The following GABRG3 variants were observed in gnomAD, a reference collection of about 807,000 sequenced individuals.
GABRG3 encodes the protein gamma-aminobutyric acid type A receptor subunit gamma3.
GABRG3 carries 25 observed loss-of-function variants against 48.8 expected under a neutral mutation model. The ratio of observed to expected loss-of-function variants is 0.51; its 90% CI spans 0.37 to 0.72. The LOEUF (loss-of-function observed/expected upper bound fraction) is 0.72. Among genes scored for constraint, GABRG3 ranks in the 30% least tolerant of loss-of-function variants. The pLI is 0.00. For synonymous variants in GABRG3, 227 were observed against 217.6 expected, an observed-to-expected ratio of 1.04 and a Z score of -0.38; for missense variants, 394 against 577.9, an observed-to-expected ratio of 0.68 and a Z score of 3.26.
chr15:27,107,173 A>G (rs1373407237), intron 3 of GABRG3, among the ~76,000 whole-genome samples: 4 of 152,060 alleles, frequency 2.6e-5, no homozygotes, highest in Admixed American at 1.3e-4. Flanking sequence ...CTTACCATTA[A>G]ATATGATGTT....
rs550681368 is a variant in GABRG3 at position 27,403,127 on chromosome 15, A to G, written c.574+74239A>G. 7.2e-5 allele frequency among the ~76,000 whole-genome samples: 11 copies of G among 152,324 alleles called. No individual in the cohort carries two copies. The South Asian group carries it at 2.3e-3, about 32-fold the overall frequency. ...AACAGTGAACTAGAAACAATAAATT[A>G]TAAAAGAAAAAAATTAAGACTGAAA... On this transcript the variant is annotated intron_variant, in intron 5 of 9. Transcript: ENST00000615808.
intron 3 of GABRG3, among the ~76,000 whole-genome samples, chr15:27,031,601 A>G (rs749501097): frequency 1.1e-4 from 17 of 152,176 alleles, no homozygotes; most frequent in Admixed American, 7.2e-4. Flanking sequence ...ACCAAATTAT[A>G]CTATATGATA....
chr15:27,411,963 TTATG>T (rs913569546), intron 5 of GABRG3, among the ~76,000 whole-genome samples: 4 of 152,106 alleles, frequency 2.6e-5, no homozygotes, highest in African/African-American at 9.7e-5. Context: ...CTTTCTTTCT[TTATG>T]TAGGTTTAAT....
intron 3 of GABRG3, among the ~76,000 whole-genome samples, chr15:27,249,286 A>T (rs947585887): frequency 2.6e-4 from 40 of 152,066 alleles, no homozygotes; most frequent in Admixed American, 2.0e-3. Context: ...GCTGGCATGA[A>T]ACCGCGGGGC....
rs549683775 is a variant in GABRG3, at chr15:26,975,548, G to A, written c.54-1454G>A. ...CTATCTGGCCAACACTCTAGTCTAC[G>A]TTATGGCTAGTTAACACGCTTTAAA... On this transcript the variant is annotated intron_variant, in intron 1 of 9. Coordinates refer to ENST00000615808, the MANE Select transcript of GABRG3 (RefSeq NM_033223.5). This position sits in a 1 kb window ranked among gnomAD's most constrained non-coding sequence, Gnocchi z 4.6. Among the ~76,000 whole-genome samples the A allele has an allele frequency of 1.1e-4, 16 of 152,238 alleles. No homozygotes were observed. The highest frequency in any genetic ancestry group is 6.2e-4 in the South Asian group (3 of 4,820).
intron 3 of GABRG3, among the ~76,000 whole-genome samples, chr15:27,091,564 A>G (rs930497980): frequency 1.3e-5 from 2 of 152,180 alleles, no homozygotes; most frequent in African/African-American, 4.8e-5. Flanking sequence ...AATATTTGGT[A>G]GGATTCCCAG....
intron 3 of GABRG3, among the ~76,000 whole-genome samples, chr15:27,100,282 A>G (rs1043953748): frequency 3.9e-5 from 6 of 152,148 alleles, no homozygotes; most frequent in African/African-American, 1.2e-4. Flanking sequence ...ATCTACCAAT[A>G]AAAGAAGTGG....
intron 3 of GABRG3, among the ~76,000 whole-genome samples, chr15:27,103,787 A>G (rs1227083934): frequency 6.6e-6 from 1 of 152,084 alleles, no homozygotes; most frequent in East Asian, 1.9e-4. Flanking sequence ...AGAACTCTTG[A>G]GGTTCTCTCT....
intron 5 of GABRG3, among the ~76,000 whole-genome samples, chr15:27,413,809 C>A (rs532620672): frequency 6.6e-6 from 1 of 152,082 alleles, no homozygotes; most frequent in East Asian, 1.9e-4. Flanking sequence ...ACAACTATTT[C>A]TTTGGTTTGG....
intron 3 of GABRG3, among the ~76,000 whole-genome samples, chr15:27,185,104 T>C (rs1888051197): frequency 6.6e-6 from 1 of 152,186 alleles, no homozygotes; most frequent in South Asian, 2.1e-4. Flanking sequence ...TTCTTTTTCA[T>C]GTTGCTTGAC....
At chr15:27,328,226 T>C (rs1027405044) in intron 4 of GABRG3, among the ~76,000 whole-genome samples, 1 of 151,562 alleles carries the variant, frequency 6.6e-6, no homozygotes, top group Non-Finnish European at 1.5e-5. Context: ...TGTAAAGCCA[T>C]ACACCGGAGA....
chr15:27,399,674 A>T (rs1373260473), intron 5 of GABRG3, among the ~76,000 whole-genome samples: 1 of 152,184 alleles, frequency 6.6e-6, no homozygotes, highest in Non-Finnish European at 1.5e-5. Context: ...TTTATTTTAG[A>T]TTCAACTTAA....
At chr15:27,313,262 G>GTGTATATATA (rs1430430961) in intron 3 of GABRG3, among the ~76,000 whole-genome samples, 9 of 34,558 alleles carry the variant, frequency 2.6e-4, no homozygotes, top group African/African-American at 6.3e-4. Context: ...GTGTGTGTGT[G>GTGTATATATA]TATATATATA....
At chr15:27,512,262 C>T (rs147306464) in intron 6 of GABRG3, among the ~76,000 whole-genome samples, 21 of 144,994 alleles carry the variant, frequency 1.4e-4, no homozygotes, top group South Asian at 9.1e-4. Context: ...TAATCAAGTG[C>T]GATGTCATTG....
At chr15:27,416,726 C>T (rs1397422408) in intron 5 of GABRG3, among the ~76,000 whole-genome samples, 1 of 152,124 alleles carries the variant, frequency 6.6e-6, no homozygotes, top group Non-Finnish European at 1.5e-5. Context: ...AGGTTTTAGC[C>T]TCTGGGTTTC....
At chr15:27,231,948 T>C (rs1889813708) in intron 3 of GABRG3, among the ~76,000 whole-genome samples, 1 of 152,156 alleles carries the variant, frequency 6.6e-6, no homozygotes, top group Admixed American at 6.5e-5. Flanking sequence ...TTACCTGAGG[T>C]TCATAAGATT....
At chr15:27,062,991 A>G (rs1896676895) in intron 3 of GABRG3, among the ~76,000 whole-genome samples, 1 of 152,234 alleles carries the variant, frequency 6.6e-6, no homozygotes, top group Non-Finnish European at 1.5e-5. Context: ...TTCATGTATC[A>G]TGGTTCAATG....
Position 27,132,471 on chromosome 15 carries a change from G to GTT in GABRG3, c.270+105678_270+105679dup, listed in dbSNP as rs59023766. On this transcript the variant is annotated intron_variant, in intron 3 of 9. Transcript: ENST00000615808. ...TGATTCAATCTTCCCAGTAGTTACA[G>GTT]TTTTTTTTTTTTTTTTTTTTTTTTT... Among the ~76,000 whole-genome samples the GTT allele has an allele frequency of 6.1e-3, 242 of 39,476 alleles. 1 individual carries two copies. Among genetic ancestry groups the GTT allele is most frequent in the African/African-American group, 0.015 (174 of 11,232 alleles). The allele number at this position is 39,476 out of a possible 152,430, so 25.9% of individuals were successfully genotyped here. A position where few individuals can be genotyped will look rare whatever the true frequency, so the allele number is the denominator to read the frequency against.
At chr15:27,227,486 G>A (rs922821123) in intron 3 of GABRG3, among the ~76,000 whole-genome samples, 7 of 152,014 alleles carry the variant, frequency 4.6e-5, no homozygotes, top group African/African-American at 1.7e-4. Flanking sequence ...TCAACAGAGT[G>A]AGATTCTGTC....
Sources: gnomAD v4.1 joint callset for allele counts (sites outside exome capture counted in the v4.1 genomes callset) on GRCh38, gnomAD v4.1.1 for gene constraint, Gnocchi (gnomAD v3.1) non-coding constraint, MANE v1.5 for transcripts, NCBI Gene and HGNC (gene_info 2026-07-23, HGNC 2026-07-21) for gene names.